TMPRSS5: variants seen among roughly 807,000 people sequenced by gnomAD.
TMPRSS5 encodes the protein transmembrane protease serine 5.
Under a neutral mutation model 59.7 loss-of-function variants are expected in TMPRSS5, and 45 were observed. The observed-to-expected ratio is 0.75, with a 90% CI of 0.59 to 0.97. The LOEUF is 0.97. TMPRSS5 is among the 50% of genes least tolerant of loss of function. The probability of loss-of-function intolerance (pLI) is 0.00; values close to 1 mark genes in which losing one functional copy is unlikely to be tolerated. For synonymous variants in TMPRSS5, 225 were observed against 232.0 expected (o/e 0.97, Z 0.27); for missense variants, 585 against 596.7 (o/e 0.98, Z 0.20).
chr11:113,692,422 G>A (rs772220535), intron 9 of TMPRSS5, among the ~76,000 whole-genome samples: 2 of 152,198 alleles, frequency 1.3e-5, no homozygotes, highest in African/African-American at 2.4e-5. Flanking sequence ...GCTCACGTGT[G>A]AGTCTATGTG....
In TMPRSS5 at chr11:113,689,922, G is replaced by T; in HGVS notation, c.1207-5C>A. The T allele has an allele frequency of 6.5e-7, 1 of 1,546,928 alleles. No homozygotes were observed. Among genetic ancestry groups the T allele is most frequent in the East Asian group, 2.4e-5 (1 of 41,230 alleles). Reference sequence around the variant, plus strand: ...TAGGGGGCCCCCGCTATCTCCCTAAGGGATCCAGGCATGGAGACACAGAGA... The same window carrying T: ...TAGGGGGCCCCCGCTATCTCCCTAATGGATCCAGGCATGGAGACACAGAGA... On this transcript the variant is annotated splice_polypyrimidine_tract_variant and splice_region_variant and intron_variant, in intron 11 of 12. Coordinates refer to ENST00000299882, the MANE Select transcript of TMPRSS5 (RefSeq NM_030770.4).
rs769650541 is a variant in TMPRSS5 at position 113,706,239 on chromosome 11, CT to C, written c.-16del. ...AACCTTACCATAGGGGTCAGTGGCA[CT>C]GTTGTAAAGCCTCAGGGTCTACTAG... is the stretch of plus-strand genomic sequence containing the variant. On this transcript the variant is annotated 5_prime_UTR_variant, in exon 1 of 13. Transcript: ENST00000299882. The C allele has an allele frequency of 1.2e-5, 20 of 1,601,184 alleles. No individual in the cohort carries two copies. Among genetic ancestry groups the C allele is most frequent in the Non-Finnish European group, 1.4e-5 (16 of 1,174,130 alleles).
At chr11:113,705,774 G>A (rs1953273602) in intron 1 of TMPRSS5, among the ~76,000 whole-genome samples, 1 of 152,170 alleles carries the variant, frequency 6.6e-6, no homozygotes, top group Non-Finnish European at 1.5e-5. Context: ...CCAGGGCATG[G>A]CCAGTCTTTT....
chr11:113,699,259 CTCTCTCTCT>C lies in TMPRSS5; in HGVS notation c.206-241_206-233del, dbSNP rs1953038890. Among the ~76,000 whole-genome samples the C allele has an allele frequency of 2.0e-4, 16 of 80,056 alleles. No homozygotes were observed. In the East Asian group the frequency reaches 5.4e-3, roughly 27 times the overall value. The allele number at this position is 80,056 out of a possible 152,430, so 52.5% of individuals were successfully genotyped here. ...TCTCTCTCTCTCTCTCTCTCTCTCT[CTCTCTCTCT>C]CTCCCTCTCTCTCTCTCTCTCTCTG... On this transcript the variant is annotated intron_variant, in intron 3 of 12. Transcript: ENST00000299882.
At chr11:113,698,827 A>C in intron 4 of TMPRSS5, 78 bp downstream of exon 4, 6 of 1,510,040 alleles carry the variant, frequency 4.0e-6, no homozygotes, top group Non-Finnish European at 5.4e-6. Flanking sequence ...ATGGCCCTTC[A>C]GTGTCGGTTC....
At chr11:113,690,451 C>T (rs1219397269) in intron 10 of TMPRSS5, 78 bp from the exon 11 acceptor site, 21 of 1,525,834 alleles carry the variant, frequency 1.4e-5, no homozygotes, top group African/African-American at 4.2e-5. Context: ...GGAGGTAATT[C>T]GAAGTCCCAG....
At position 113,687,726 on chromosome 11, in the gene TMPRSS5, G is replaced by A. The variant is rs933328088; in HGVS notation, c.*534C>T. 1.3e-5 allele frequency: 2 copies of A among 152,868 alleles called. No homozygotes were observed. Among genetic ancestry groups the A allele is most frequent in the African/African-American group, 4.8e-5 (2 of 41,430 alleles). 9.5% of individuals were successfully genotyped at this position (152,868 alleles called of 1,614,324 possible). A position where few individuals can be genotyped will look rare whatever the true frequency, so the allele number is the denominator to read the frequency against. ...GGGGAGTGGAGAGGGAGAGTGGAGA[G>A]GGTCCTGACTCCCATAGGCTTCATC... On this transcript the variant is annotated 3_prime_UTR_variant, in exon 13 of 13. Transcript: ENST00000299882.
intron 4 of TMPRSS5, among the ~76,000 whole-genome samples, chr11:113,697,623 A>G (rs995401038): frequency 6.6e-6 from 1 of 152,152 alleles, no homozygotes; most frequent in Non-Finnish European, 1.5e-5. Flanking sequence ...TCAGTTTTCT[A>G]TTTTAACCAT....
rs1460131121 is a variant in TMPRSS5 at position 113,697,303 on chromosome 11, G to A, written c.444C>T (p.Cys148=). 11 of 1,612,588 alleles carry A rather than the reference G, an allele frequency of 6.8e-6. No individual in the cohort carries two copies. Among genetic ancestry groups the A allele is most frequent in the Admixed American group, 3.3e-5 (2 of 59,968 alleles). ...GWSPALGLQI[C]WSLGHLRLTH... ...GTTACCTGAGATGCCCAAGGCTCCA[G>A]CAGATCTGCAGCCCCAGGGCGGGGC... Residue 148 remains cysteine, a synonymous_variant, in exon 5 of 13, where the codon TGC becomes TGT. Transcript: ENST00000299882.
intron 6 of TMPRSS5, 58 bp downstream of exon 6, chr11:113,696,800 T>G (rs1333928183): frequency 8.2e-7 from 1 of 1,225,798 alleles, no homozygotes; most frequent in Non-Finnish European, 1.2e-6. Context: ...AGATTTTTGC[T>G]GGATTGACCA....
intron 11 of TMPRSS5, 55 bp downstream of exon 11, chr11:113,690,176 G>GGCCCACCCCCCCCCC: frequency 2.6e-6 from 1 of 388,226 alleles, no homozygotes; most frequent in Non-Finnish European, 4.2e-6. Context: ...CAGGCCCCCT[G>GGCCCACCCCCCCCCC]CCCTCCCACC....
intron 12 of TMPRSS5, among the ~76,000 whole-genome samples, chr11:113,689,222 G>A (rs557242212): frequency 2.0e-5 from 3 of 152,130 alleles, no homozygotes; most frequent in Non-Finnish European, 4.4e-5. Context: ...CAGGCGTGGT[G>A]GTGCATGCCT....
chr11:113,697,036 T>C, intron 5 of TMPRSS5, 65 bp from the exon 6 acceptor site: 5 of 1,287,988 alleles, frequency 3.9e-6, no homozygotes, highest in Admixed American at 3.9e-5. Flanking sequence ...GATATAATAC[T>C]AGTATAGTGA....
chr11:113,696,976 G>T lies in TMPRSS5; in HGVS notation c.465-5C>A. On this transcript the variant is annotated splice_region_variant and splice_polypyrimidine_tract_variant and intron_variant, in intron 5 of 12. Transcript: ENST00000299882. ...ACTCCCTTGTGGTGAGTGAGTCTTG[G>T]CAGAAGAAGGGAATAGAACAGGAGG... is the stretch of plus-strand genomic sequence containing the variant. 1 of 1,558,686 alleles carries T rather than the reference G, an allele frequency of 6.4e-7. No individual in the cohort carries two copies. The highest frequency in any genetic ancestry group is 8.7e-7 in the Non-Finnish European group (1 of 1,147,390).
intron 12 of TMPRSS5, among the ~76,000 whole-genome samples, chr11:113,689,013 A>C (rs532117406): frequency 2.3e-4 from 35 of 152,308 alleles, no homozygotes; most frequent in Admixed American, 1.6e-3. Context: ...TGTGGCCACT[A>C]GTAACTGCCT....
At chr11:113,699,996 C>T (rs756848995) in intron 2 of TMPRSS5, 70 bp downstream of exon 2, 51 of 1,549,752 alleles carry the variant, frequency 3.3e-5, no homozygotes, top group South Asian at 3.1e-4. Flanking sequence ...AAGGAGGATC[C>T]GGGGAATGTA....
intron 8 of TMPRSS5, chr11:113,694,238 C>G (rs1952861980): frequency 2.9e-6 from 1 of 347,160 alleles, no homozygotes; most frequent in South Asian, 8.5e-5. Context: ...AAGTGAGACT[C>G]TGTCTCAAAA....
In TMPRSS5 at chr11:113,696,953, T is replaced by G; in HGVS notation, c.483A>C (p.Gly161=). The change falls in exon 6 of 13, where the codon GGA becomes GGC. Residue 161 remains glycine (G), a synonymous_variant. Coordinates refer to ENST00000299882, the MANE Select transcript of TMPRSS5 (RefSeq NM_030770.4). ...TGAGTTTGATGTCAGTGAGGTTTACTCCCTTGTGGTGAGTGAGTCTTGGCA... is the reference window on the plus strand; with the variant it reads ...TGAGTTTGATGTCAGTGAGGTTTACGCCCTTGTGGTGAGTGAGTCTTGGCA... The part of the protein sequence containing the change: ...LGHLRLTHHK[G]VNLTDIKLNS... 1 of 1,576,892 alleles carries G rather than the reference T, an allele frequency of 6.3e-7. No homozygotes were observed. The highest frequency in any genetic ancestry group is 8.6e-7 in the Non-Finnish European group (1 of 1,160,126).
chr11:113,690,500 C>T, intron 10 of TMPRSS5, 127 bp from the exon 11 acceptor site: 1 of 1,382,118 alleles, frequency 7.2e-7, no homozygotes, highest in African/African-American at 1.5e-5. Context: ...AGGGTGGGAG[C>T]TGTGGACGCT....
Sources: gnomAD v4.1 joint callset for allele counts (sites outside exome capture counted in the v4.1 genomes callset) on GRCh38, gnomAD v4.1.1 for gene constraint, MANE v1.5 for transcripts, NCBI Gene and HGNC (gene_info 2026-07-23, HGNC 2026-07-21) for gene names.